The following CPED1 variants were observed in gnomAD, a reference collection of about 807,000 sequenced individuals.
CPED1 encodes the protein cadherin-like and PC-esterase domain-containing protein 1.
A neutral mutation model predicts 128.2 loss-of-function variants in CPED1; 114 were observed. The observed-to-expected ratio is 0.89, with a 90% CI of 0.76 to 1.04. CPED1 has a LOEUF of 1.04. Among genes scored for constraint, CPED1 ranks in the 50% least tolerant of loss-of-function variants. The pLI, the probability that CPED1 is intolerant of heterozygous loss-of-function variation, is 0.00. For missense variants in CPED1, 1,211 were observed against 1,207.1 expected, an observed-to-expected ratio of 1.00 and a Z score of -0.05; for synonymous variants, 462 against 426.7, an observed-to-expected ratio of 1.08 and a Z score of -1.02.
chr7:121,016,090 A>G (rs1310042895), intron 3 of CPED1, among the ~76,000 whole-genome samples: 1 of 152,070 alleles, frequency 6.6e-6, no homozygotes, highest in Non-Finnish European at 1.5e-5. Context: ...GGAGTTGTAT[A>G]GTTCATGTTT....
At chr7:121,231,799 G>A (rs773476323) in intron 16 of CPED1, among the ~76,000 whole-genome samples, 1 of 152,126 alleles carries the variant, frequency 6.6e-6, no homozygotes, top group Non-Finnish European at 1.5e-5. Flanking sequence ...TAAGGTAGAA[G>A]AAAAGTATAT....
At chr7:121,116,966 A>C (rs201302289) in intron 7 of CPED1, among the ~76,000 whole-genome samples, 2,226 of 135,888 alleles carry the variant, frequency 0.016, 29 homozygotes, top group Non-Finnish European at 0.019. Flanking sequence ...CTCTCTCTAT[A>C]TATATATATA....
intron 16 of CPED1, among the ~76,000 whole-genome samples, chr7:121,166,203 G>A (rs931809414): frequency 3.3e-5 from 5 of 152,110 alleles, no homozygotes; most frequent in African/African-American, 1.2e-4. Context: ...TGGATTGGGT[G>A]TGGCATCAGA....
At chr7:121,228,585 T>TTA (rs1351148585) in intron 16 of CPED1, among the ~76,000 whole-genome samples, 2 of 8,206 alleles carry the variant, frequency 2.4e-4, no homozygotes, top group Non-Finnish European at 6.0e-4. Context: ...TGGAGATTTC[T>TTA]CAAAAAAAAA....
intron 22 of CPED1, among the ~76,000 whole-genome samples, chr7:121,292,389 A>G (rs1361816095): frequency 6.6e-6 from 1 of 150,878 alleles, no homozygotes; most frequent in Admixed American, 6.6e-5. Context: ...TCTACTCTAA[A>G]CTCATTATTT....
At chr7:121,228,676 C>T (rs192648227) in intron 16 of CPED1, among the ~76,000 whole-genome samples, 1 of 151,510 alleles carries the variant, frequency 6.6e-6, no homozygotes, top group African/African-American at 2.4e-5. Context: ...ATCCGTTTAT[C>T]AAAGGGATAC....
rs1400437672 is a variant in CPED1 at position 121,057,678 on chromosome 7, G to C, written c.541-6560G>C. The stretch of plus-strand genomic sequence containing the variant: ...CAATAACTTTATTCTTGGTTTTATT[G>C]ACTCATTCATTCATTCATTTATTCA... On this transcript the variant is annotated intron_variant, in intron 4 of 22. Transcript: ENST00000310396. Among the ~76,000 whole-genome samples the C allele has an allele frequency of 7.2e-5, 11 of 152,148 alleles. No homozygotes were observed. In the South Asian group the frequency reaches 1.9e-3, roughly 26 times the overall value.
intron 2 of CPED1, among the ~76,000 whole-genome samples, chr7:121,006,010 G>A (rs993179687): frequency 6.6e-6 from 1 of 152,116 alleles, no homozygotes; most frequent in Non-Finnish European, 1.5e-5. Context: ...TGTTGTGGCT[G>A]GAAAAGCCTC....
intron 2 of CPED1, among the ~76,000 whole-genome samples, chr7:121,012,601 A>G (rs1006616291): frequency 3.3e-5 from 5 of 152,232 alleles, no homozygotes; most frequent in East Asian, 1.9e-4. Flanking sequence ...TTAATTTCAC[A>G]TACGCAATGT....
chr7:121,265,584 G>A (rs1792106405), intron 18 of CPED1, among the ~76,000 whole-genome samples: 1 of 152,064 alleles, frequency 6.6e-6, no homozygotes, highest in Non-Finnish European at 1.5e-5. Context: ...TTAAAAGACA[G>A]CCATTGTACA....
At chr7:121,116,962 C>T (rs12671144) in intron 7 of CPED1, among the ~76,000 whole-genome samples, 1 of 44,512 alleles carries the variant, frequency 2.2e-5, no homozygotes, top group Admixed American at 3.5e-4. Context: ...CTCTCTCTCT[C>T]TATATATATA....
At chr7:121,205,205 G>A (rs1355588505) in intron 16 of CPED1, among the ~76,000 whole-genome samples, 1 of 152,018 alleles carries the variant, frequency 6.6e-6, no homozygotes, top group Non-Finnish European at 1.5e-5. Flanking sequence ...GTCTTTCCAT[G>A]TTTTATGAGT....
chr7:121,147,993 A>T (rs1288460065), intron 16 of CPED1, among the ~76,000 whole-genome samples: 2 of 152,160 alleles, frequency 1.3e-5, no homozygotes, highest in African/African-American at 4.8e-5. Context: ...ATAGAGGGCT[A>T]TTATAAAATA....
intron 7 of CPED1, among the ~76,000 whole-genome samples, chr7:121,117,628 A>T (rs1257780799): frequency 6.6e-6 from 1 of 151,990 alleles, no homozygotes; most frequent in Non-Finnish European, 1.5e-5. Flanking sequence ...TTTGGAGTGG[A>T]GGCAGGCAGC....
At chr7:121,265,473 T>C (rs1379725349) in intron 18 of CPED1, among the ~76,000 whole-genome samples, 1 of 152,144 alleles carries the variant, frequency 6.6e-6, no homozygotes, top group African/African-American at 2.4e-5. Context: ...TGTAGGATTA[T>C]GTAAGAAACA....
At chr7:121,054,971 G>T (rs1340313358) in intron 4 of CPED1, among the ~76,000 whole-genome samples, 2 of 152,010 alleles carry the variant, frequency 1.3e-5, no homozygotes, top group Non-Finnish European at 2.9e-5. Context: ...TAGCATTTGG[G>T]TCTGGCTTAT....
At chr7:121,181,311 A>G (rs1169086029) in intron 16 of CPED1, among the ~76,000 whole-genome samples, 2 of 152,114 alleles carry the variant, frequency 1.3e-5, no homozygotes, top group African/African-American at 4.8e-5. Flanking sequence ...TATTCCACGC[A>G]GAGGGAACAA....
At chr7:121,293,751 C>T (rs796725170) in intron 22 of CPED1, among the ~76,000 whole-genome samples, 21 of 152,182 alleles carry the variant, frequency 1.4e-4, no homozygotes, top group African/African-American at 5.1e-4. Flanking sequence ...CTTCCCTTGG[C>T]TAGGGGAGGG....
intron 16 of CPED1, among the ~76,000 whole-genome samples, chr7:121,194,124 T>C (rs1384602120): frequency 2.0e-5 from 3 of 147,586 alleles, no homozygotes; most frequent in Non-Finnish European, 3.0e-5. Flanking sequence ...CTCGGCTTAC[T>C]GCAACCTCTG....
Sources: allele counts gnomAD v4.1 joint callset (sites outside exome capture counted in the v4.1 genomes callset), GRCh38; gene constraint gnomAD v4.1.1; transcripts MANE v1.5; gene names NCBI Gene and HGNC (gene_info 2026-07-23, HGNC 2026-07-21).